The following OR7G2 variants were observed in gnomAD, a reference collection of about 807,000 sequenced individuals.
The protein encoded by OR7G2 is olfactory receptor family 7 subfamily G member 2.
For missense variants in OR7G2, 362 were observed against 384.0 expected (o/e 0.94, Z 0.48); for synonymous variants, 153 against 152.2 (o/e 1.01, Z -0.04).
intron 1 of OR7G2, 23 bp from the exon 2 acceptor site, chr19:9,103,282 C>T: frequency 1.2e-6 from 2 of 1,613,160 alleles, no homozygotes; most frequent in South Asian, 2.2e-5. Context: ...ATAATAAAAT[C>T]TGTAAGCAGC....
chr19:9,102,653 G>A lies in OR7G2; in HGVS notation c.591C>T (p.Ile197=). Residue 197 remains isoleucine (I), a synonymous_variant, in exon 2 of 2, where the codon ATC becomes ATT. Transcript: ENST00000641081. ...ATATGCAAGCTGCAAAATATATCAGGATGTTATTGATGAGGGTGTCTGAAC... is the reference window on the plus strand; with the variant it reads ...ATATGCAAGCTGCAAAATATATCAGAATGTTATTGATGAGGGTGTCTGAAC... ...LTCSDTLINN[I]LIYFAACIFG... The A allele has an allele frequency of 6.2e-7, 1 of 1,614,142 alleles. No individual in the cohort carries two copies. The highest frequency in any genetic ancestry group is 8.5e-7 in the Non-Finnish European group (1 of 1,180,024).
At chr19:9,106,444 C>T in intron 1 of OR7G2, among the ~76,000 whole-genome samples, 1 of 139,152 alleles carries the variant, frequency 7.2e-6, no homozygotes. Context: ...AAAAAAAATT[C>T]ACACAATTCA....
chr19:9,102,478 A>C lies in OR7G2; in HGVS notation c.766T>G (p.Leu256Val), dbSNP rs1356593672. Residue 256 changes from leucine (L) to valine (V), a missense_variant, in exon 2 of 2, where the codon TTG becomes GTG. Physicochemically the swap from Leu to Val is conservative, Grantham distance 32 (BLOSUM62 1). Transcript: ENST00000641081. ...SIVLLFYGAG[L>V]GVYISSVVTD... is the part of the protein sequence containing the mutation. Reference sequence around the variant, plus strand: ...ACCACAGAACTAATGTACACCCCCAAACCTGCCCCATAGAACAAGAGAACA... The same window carrying C: ...ACCACAGAACTAATGTACACCCCCACACCTGCCCCATAGAACAAGAGAACA... The C allele has an allele frequency of 6.2e-7, 1 of 1,614,036 alleles. No homozygotes were observed. Among genetic ancestry groups the C allele is most frequent in the South Asian group, 1.1e-5 (1 of 91,074 alleles).
At position 9,103,033 on chromosome 19, in the gene OR7G2, T is replaced by C; in HGVS notation, c.211A>G (p.Ile71Val). The C allele has an allele frequency of 6.2e-7, 1 of 1,614,022 alleles. No individual in the cohort carries two copies. The highest frequency in any genetic ancestry group is 8.5e-7 in the Non-Finnish European group (1 of 1,180,010). ...GGGATCGTGGTTGTGCTTAAACAAA[T>C]GTCCAAAAAGGAGAGATTGGAGAGG... is the stretch of plus-strand genomic sequence containing the variant. ...FFLSNLSFLDICLSTTTIPKM... is the reference protein window; with the variant it reads ...FFLSNLSFLDVCLSTTTIPKM... The change falls in exon 2 of 2, where the codon ATT becomes GTT. Residue 71 changes from isoleucine to valine, a missense_variant. Ile to Val is a conservative substitution (Grantham distance 29). Transcript: ENST00000641081.
Position 9,103,137 on chromosome 19 carries a change from A to G in OR7G2, c.107T>C (p.Leu36Ser). 6.2e-7 allele frequency: 1 copy of G among 1,614,160 alleles called. No homozygotes were observed. The highest frequency in any genetic ancestry group is 8.5e-7 in the Non-Finnish European group (1 of 1,180,038). ...GAGCAGGTTCCCCAGGATGGTGACC[A>G]AGTACATGGACAGGAACAGGCTGAA... is the stretch of plus-strand genomic sequence containing the variant. ...VLFSLFLSMY[L>S]VTILGNLLIL... is the part of the protein sequence containing the mutation. Residue 36 changes from leucine (L) to serine (S), a missense_variant, in exon 2 of 2, where the codon TTG becomes TCG. Transcript: ENST00000641081.
At chr19:9,103,374 G>C (rs986229075) in intron 1 of OR7G2, 115 bp from the exon 2 acceptor site, 11 of 953,820 alleles carry the variant, frequency 1.2e-5, no homozygotes, top group Non-Finnish European at 1.7e-5. Flanking sequence ...ATAAACTCTG[G>C]GGATGAGAAC....
At chr19:9,106,078 G>A (rs1331003921) in intron 1 of OR7G2, among the ~76,000 whole-genome samples, 2 of 152,014 alleles carry the variant, frequency 1.3e-5, no homozygotes, top group African/African-American at 4.8e-5. Flanking sequence ...TATTCAGAAA[G>A]TACGGAGAAT....
At position 9,102,818 on chromosome 19, in the gene OR7G2, G is replaced by C; in HGVS notation, c.426C>G (p.Gly142=). ...TCAACAGAGAGAGAAGAATCAGCAG[G>C]CCACAGAGGCGGGGGTTCATGATGA... is the stretch of plus-strand genomic sequence containing the variant. The part of the protein sequence containing the change: ...YTVIMNPRLC[G]LLILLSLLTS... Residue 142 remains glycine (G), a synonymous_variant, in exon 2 of 2, where the codon GGC becomes GGG. Coordinates refer to ENST00000641081, the MANE Select transcript of OR7G2 (RefSeq NM_001005193.2). 1.9e-6 allele frequency: 3 copies of C among 1,613,860 alleles called. No homozygotes were observed. Among genetic ancestry groups the C allele is most frequent in the Non-Finnish European group, 2.5e-6 (3 of 1,179,822 alleles).
At position 9,103,051 on chromosome 19, in the gene OR7G2, T is replaced by A; in HGVS notation, c.193A>T (p.Asn65Tyr). The A allele has an allele frequency of 6.2e-7, 1 of 1,613,798 alleles. No homozygotes were observed. Among genetic ancestry groups the A allele is most frequent in the Non-Finnish European group, 8.5e-7 (1 of 1,179,942 alleles). Reference sequence around the variant, plus strand: ...AAACAAATGTCCAAAAAGGAGAGATTGGAGAGGAAGAAGTACATGGGGGTG... The same window carrying A: ...AAACAAATGTCCAAAAAGGAGAGATAGGAGAGGAAGAAGTACATGGGGGTG... ...LHTPMYFFLSNLSFLDICLST... is the reference protein window; with the variant it reads ...LHTPMYFFLSYLSFLDICLST... The change falls in exon 2 of 2, where the codon AAT (asparagine) becomes TAT (tyrosine). Residue 65 changes from asparagine (N) to tyrosine (Y), a missense_variant. Coordinates refer to ENST00000641081, the MANE Select transcript of OR7G2 (RefSeq NM_001005193.2).
chr19:9,103,485 C>CA (rs1172297124), intron 1 of OR7G2, among the ~76,000 whole-genome samples: 1 of 141,380 alleles, frequency 7.1e-6, no homozygotes, highest in Non-Finnish European at 1.5e-5. Context: ...TTTTCTTAAT[C>CA]AAAAAATGTG....
At position 9,102,828 on chromosome 19, in the gene OR7G2, C is replaced by A. The variant is rs553447676; in HGVS notation, c.416G>T (p.Arg139Leu). Residue 139 changes from arginine (R) to leucine (L), a missense_variant, in exon 2 of 2, where the codon CGC becomes CTC. Arg to Leu is a moderately radical substitution (Grantham distance 102). Transcript: ENST00000641081. ...PLRYTVIMNPRLCGLLILLSL... is the reference protein window; with the variant it reads ...PLRYTVIMNPLLCGLLILLSL... ...GAGAAGAATCAGCAGGCCACAGAGG[C>A]GGGGGTTCATGATGACTGTGTATCT... 2.5e-6 allele frequency: 4 copies of A among 1,613,554 alleles called. No individual in the cohort carries two copies. The highest frequency in any genetic ancestry group is 3.4e-6 in the Non-Finnish European group (4 of 1,179,666).
At chr19:9,105,047 T>A (rs1461292021) in intron 1 of OR7G2, among the ~76,000 whole-genome samples, 2 of 151,856 alleles carry the variant, frequency 1.3e-5, no homozygotes, top group Non-Finnish European at 2.9e-5. Flanking sequence ...CTCGGCTCCC[T>A]GCAACCTCCG....
chr19:9,103,721 G>A (rs530822937), intron 1 of OR7G2, among the ~76,000 whole-genome samples: 60 of 151,294 alleles, frequency 4.0e-4, no homozygotes, highest in Non-Finnish European at 4.9e-4. Flanking sequence ...GGGGGTGGGG[G>A]TCTCACCATG....
rs2050350278 is a variant in OR7G2 at position 9,100,831 on chromosome 19, C to A, written c.*1438G>T. ...GGTGGAAGCTTGTCTCCAGATATAA[C>A]AACAACCTCGCTTAAATCCTTTTCC... On this transcript the variant is annotated 3_prime_UTR_variant, in exon 2 of 2. Transcript: ENST00000641081. 1.3e-5 allele frequency: 2 copies of A among 152,150 alleles called. No individual in the cohort carries two copies. Among genetic ancestry groups the A allele is most frequent in the East Asian group, 1.9e-4 (1 of 5,190 alleles). 9.4% of individuals were successfully genotyped at this position (152,150 alleles called of 1,614,324 possible).
chr19:9,103,594 C>T (rs1167710285), intron 1 of OR7G2, among the ~76,000 whole-genome samples: 2 of 150,164 alleles, frequency 1.3e-5, no homozygotes, highest in Admixed American at 6.7e-5. Flanking sequence ...GCAAGCTCCA[C>T]CTCCATGTTC....
At position 9,102,318 on chromosome 19, in the gene OR7G2, G is replaced by A. The variant is rs140006700; in HGVS notation, c.926C>T (p.Pro309Leu). ...GCAAATGGCACACCACAGAAGAGAA[G>A]GTATCCTCCCTATGAACTTCCTCAA... The part of the protein sequence containing the change: ...GTLRKFIGRI[P>L]SLLWCAICFG... Residue 309 changes from proline to leucine, a missense_variant, in exon 2 of 2, where the codon CCT becomes CTT. Pro to Leu is a moderately conservative substitution (Grantham distance 98, BLOSUM62 -3). Transcript: ENST00000641081. 4.6e-4 allele frequency: 748 copies of A among 1,613,604 alleles called. 1 individual carries two copies. Among genetic ancestry groups the A allele is most frequent in the Non-Finnish European group, 6.1e-4 (714 of 1,179,820 alleles).
In OR7G2 at chr19:9,103,061, G is replaced by A. The variant is rs139775163; in HGVS notation, c.183C>T (p.Phe61=). ...SDSHLHTPMY[F]FLSNLSFLDI... ...CCAAAAAGGAGAGATTGGAGAGGAA[G>A]AAGTACATGGGGGTGTGGAGGTGAG... Residue 61 remains phenylalanine, a synonymous_variant, in exon 2 of 2, where the codon TTC becomes TTT. Transcript: ENST00000641081. 11 of 1,614,022 alleles carry A rather than the reference G, an allele frequency of 6.8e-6. No homozygotes were observed. The highest frequency in any genetic ancestry group is 9.3e-6 in the Non-Finnish European group (11 of 1,180,024).
chr19:9,104,702 C>A (rs933503581), intron 1 of OR7G2, among the ~76,000 whole-genome samples: 1 of 151,628 alleles, frequency 6.6e-6, no homozygotes, highest in Non-Finnish European at 1.5e-5. Context: ...TGGTGGGCGC[C>A]TGTGGTCCCA....
At position 9,103,238 on chromosome 19, in the gene OR7G2, T is replaced by G; in HGVS notation, c.6A>C (p.Glu2Asp). 6.2e-7 allele frequency: 1 copy of G among 1,614,082 alleles called. No homozygotes were observed. The highest frequency in any genetic ancestry group is 8.5e-7 in the Non-Finnish European group (1 of 1,179,992). The change falls in exon 2 of 2, where the codon GAA becomes GAC. Residue 2 changes from glutamate (E) to aspartate (D), a missense_variant. By Grantham distance (45) the Glu-to-Asp change is conservative. Transcript: ENST00000641081. M[E>D]ARNQTAISKF... The stretch of plus-strand genomic sequence containing the variant: ...TTGAAATAGCTGTTTGGTTTCTCGC[T>G]TCCATGCTGTTGATGATGAATCTGA...
Sources: allele counts gnomAD v4.1 joint callset (sites outside exome capture counted in the v4.1 genomes callset), GRCh38; gene constraint gnomAD v4.1.1; transcripts MANE v1.5; gene names NCBI Gene and HGNC (gene_info 2026-07-23, HGNC 2026-07-21).